Variants in TDP1 observed in about 807,000 individuals in gnomAD.
TDP1 encodes tyr-DNA phosphodiesterase 1.
Under a neutral mutation model 81.5 loss-of-function variants are expected in TDP1, and 64 were observed. That is an observed-to-expected ratio of 0.79 (90% CI 0.64 to 0.97). The LOEUF is 0.97. Among genes scored for constraint, TDP1 ranks in the 50% least tolerant of loss-of-function variants. The pLI, the probability that TDP1 is intolerant of heterozygous loss-of-function variation, is 0.00. For synonymous variants in TDP1, 256 were observed against 264.3 expected (o/e 0.97, Z 0.30); for missense variants, 723 against 743.8 (o/e 0.97, Z 0.33).
chr14:89,996,919 G>A (rs763677586), intron 14 of TDP1, among the ~76,000 whole-genome samples: 5 of 152,180 alleles, frequency 3.3e-5, no homozygotes, highest in Non-Finnish European at 7.3e-5. Flanking sequence ...GCAGAGTTGA[G>A]GCAGTTCTAC....
In TDP1 at chr14:89,960,855, C is replaced by T. The variant is rs370242727; in HGVS notation, c.-7-2253C>T. Among the ~76,000 whole-genome samples, 26 of 152,290 alleles carry T rather than the reference C, an allele frequency of 1.7e-4. No homozygotes were observed. The East Asian group carries it at 3.3e-3, about 19-fold the overall frequency. On this transcript the variant is annotated intron_variant, in intron 2 of 16. Coordinates refer to ENST00000335725, the MANE Select transcript of TDP1 (RefSeq NM_018319.4). ...AGGGATAGATACCTTTAAAGTATTTCCAACCCTCCCCTGCCCCGCCCTGCT... is the reference window on the plus strand; with the variant it reads ...AGGGATAGATACCTTTAAAGTATTTTCAACCCTCCCCTGCCCCGCCCTGCT...
At chr14:89,988,757 G>T (rs1895849724) in intron 10 of TDP1, 148 bp from the exon 11 acceptor site, 3 of 1,505,004 alleles carry the variant, frequency 2.0e-6, no homozygotes, top group Non-Finnish European at 2.7e-6. Context: ...GAAGAAGTAT[G>T]TATGTGTGGG....
At chr14:90,000,489 A>G (rs1403250923) in intron 14 of TDP1, among the ~76,000 whole-genome samples, 2 of 152,056 alleles carry the variant, frequency 1.3e-5, no homozygotes, top group African/African-American at 2.4e-5. Context: ...GGTTCAAGCA[A>G]TTCTCCTGCC....
In TDP1 at chr14:89,970,360, G is replaced by A. The variant is rs929986459; in HGVS notation, c.660-815G>A. ...TCTAACCACCCATTAGTGAAGCTGC[G>A]TCATGCTGTGGGCCTGGCCTGGGCC... On this transcript the variant is annotated intron_variant, in intron 5 of 16. Transcript: ENST00000335725. 6.6e-5 allele frequency among the ~76,000 whole-genome samples: 10 copies of A among 152,166 alleles called. No homozygotes were observed. The South Asian group carries it at 1.4e-3, about 22-fold the overall frequency.
At chr14:89,995,820 T>C (rs1003536060) in intron 14 of TDP1, among the ~76,000 whole-genome samples, 3 of 152,196 alleles carry the variant, frequency 2.0e-5, no homozygotes, top group African/African-American at 4.8e-5. Context: ...GAATGTCTCT[T>C]TCACTATTCC....
intron 15 of TDP1, among the ~76,000 whole-genome samples, chr14:90,026,840 T>C (rs1886719016): frequency 6.6e-6 from 1 of 152,266 alleles, no homozygotes; most frequent in East Asian, 1.9e-4. Flanking sequence ...GTGCCACATT[T>C]TCTTCATCCA....
intron 8 of TDP1, among the ~76,000 whole-genome samples, chr14:89,980,846 C>T (rs915843042): frequency 2.0e-5 from 3 of 152,210 alleles, no homozygotes; most frequent in African/African-American, 7.2e-5. Context: ...ACAGGAGCAT[C>T]ATCATCCACA....
chr14:89,975,456 G>C, intron 6 of TDP1: 1 of 984,944 alleles, frequency 1.0e-6, no homozygotes, highest in Non-Finnish European at 1.2e-6. Flanking sequence ...ACTTTGCATA[G>C]AGACTCACTT....
chr14:90,042,445 C>T lies in TDP1; in HGVS notation c.1754-625C>T, dbSNP rs997583595. The stretch of plus-strand genomic sequence containing the variant: ...GTTAAAGTGATTTGCCAATGTGACA[C>T]AGCTAGTAAGTGGCAGCACCAGGAT... On this transcript the variant is annotated intron_variant, in intron 16 of 16. Transcript: ENST00000335725. Among the ~76,000 whole-genome samples the T allele has an allele frequency of 4.6e-5, 7 of 152,260 alleles. No individual in the cohort carries two copies. The East Asian group carries it at 1.4e-3, about 29-fold the overall frequency.
At chr14:90,009,228 C>T (rs1384058696) in intron 14 of TDP1, among the ~76,000 whole-genome samples, 1 of 152,140 alleles carries the variant, frequency 6.6e-6, no homozygotes, top group African/African-American at 2.4e-5. Flanking sequence ...GATTTTGTTG[C>T]TGCTGGTCTC....
intron 15 of TDP1, among the ~76,000 whole-genome samples, chr14:90,031,324 G>A (rs946926394): frequency 7.3e-6 from 1 of 137,570 alleles, no homozygotes; most frequent in African/African-American, 2.8e-5. Flanking sequence ...TGTTCTCATT[G>A]TTCAGTTCCC....
rs1051436343 is a variant in TDP1, at chr14:89,989,095, G to A, written c.1317+5G>A. On this transcript the variant is annotated splice_donor_5th_base_variant and intron_variant, in intron 11 of 16. Transcript: ENST00000335725. ...AGCTCTGTTCCTCTTTACTTGGTGA[G>A]TTCTCGTCCTCATTGAGGTAGTTTA... 1.9e-6 allele frequency: 3 copies of A among 1,611,108 alleles called. No individual in the cohort carries two copies. The highest frequency in any genetic ancestry group is 2.5e-6 in the Non-Finnish European group (3 of 1,178,310).
At position 89,986,698 on chromosome 14, in the gene TDP1, G is replaced by A. The variant is rs35701063; in HGVS notation, c.1131+1488G>A. On this transcript the variant is annotated intron_variant, in intron 10 of 16. Transcript: ENST00000335725. The stretch of plus-strand genomic sequence containing the variant: ...TCCAGGATAGGGTGGCCCTTCAGGG[G>A]CTGAGCACTGCAGTAGAAACTGGGT... Among the ~76,000 whole-genome samples, 584 of 152,330 alleles carry A rather than the reference G, an allele frequency of 3.8e-3. 2 individuals carry two copies. Among genetic ancestry groups the A allele is most frequent in the African/African-American group, 0.014 (564 of 41,566 alleles).
chr14:90,014,706 G>GT (rs1885112081), intron 14 of TDP1, among the ~76,000 whole-genome samples: 1 of 152,166 alleles, frequency 6.6e-6, no homozygotes, highest in Non-Finnish European at 1.5e-5. Flanking sequence ...ATCAGTGGAC[G>GT]TATGTTCCCA....
At chr14:89,982,607 G>GGGATT (rs1895106900) in intron 8 of TDP1, among the ~76,000 whole-genome samples, 1 of 152,166 alleles carries the variant, frequency 6.6e-6, no homozygotes, top group Admixed American at 6.5e-5. Context: ...TGGGGTGGTT[G>GGGATT]CCAGGAGGGA....
At chr14:90,031,645 A>C (rs2140316593) in intron 15 of TDP1, among the ~76,000 whole-genome samples, 1 of 152,224 alleles carries the variant, frequency 6.6e-6, no homozygotes, top group East Asian at 1.9e-4. Context: ...TGACAGAGTG[A>C]GACTCTGTCT....
Position 89,960,609 on chromosome 14 carries a change from A to G in TDP1, c.-7-2499A>G, listed in dbSNP as rs370827886. On this transcript the variant is annotated intron_variant, in intron 2 of 16. Coordinates refer to ENST00000335725, the MANE Select transcript of TDP1 (RefSeq NM_018319.4). ...GACAGTCTAGGGTCACTATTACAGG[A>G]GCAAGTGGCCCCAGCCCTCTCTACA... Among the ~76,000 whole-genome samples, 3 of 152,340 alleles carry G rather than the reference A, an allele frequency of 2.0e-5. No individual in the cohort carries two copies. The East Asian group carries it at 5.8e-4, about 29-fold the overall frequency.
In TDP1 at chr14:90,019,179, C is replaced by G. The variant is rs960110111; in HGVS notation, c.1542-137C>G. ...ATTTTAAATTCTCTTTTCAAAAATG[C>G]AGCAACTCTGCTAGAAAATGAATGA... On this transcript the variant is annotated intron_variant, in intron 14 of 16. Transcript: ENST00000335725. The G allele has an allele frequency of 2.2e-6, 3 of 1,354,184 alleles. No homozygotes were observed. In the African/African-American group the frequency reaches 4.4e-5, roughly 20 times the overall value. The allele number at this position is 1,354,184 out of a possible 1,614,324, so 83.9% of individuals were successfully genotyped here.
In TDP1 at chr14:89,963,683, T is replaced by C; in HGVS notation, c.559+10T>C. On this transcript the variant is annotated intron_variant, in intron 3 of 16. Transcript: ENST00000335725. ...GCCCTCCACATCAAGGGTAAGAGGA[T>C]GCTGGGTGTCAAGGAGCTGTTGAAT... 1 of 1,613,906 alleles carries C rather than the reference T, an allele frequency of 6.2e-7. No homozygotes were observed. Among genetic ancestry groups the C allele is most frequent in the Non-Finnish European group, 8.5e-7 (1 of 1,179,850 alleles).
Sources: gnomAD v4.1 joint callset for allele counts (sites outside exome capture counted in the v4.1 genomes callset) on GRCh38, gnomAD v4.1.1 for gene constraint, MANE v1.5 for transcripts, NCBI Gene and HGNC (gene_info 2026-07-23, HGNC 2026-07-21) for gene names.